Variants in CENPK observed in about 807,000 individuals in gnomAD.
CENPK encodes centromere protein K.
A neutral mutation model predicts 40.9 loss-of-function variants in CENPK; 46 were observed. The observed-to-expected ratio is 1.13, with a 90% CI of 0.89 to 1.44. The LOEUF (loss-of-function observed/expected upper bound fraction) is 1.44. CENPK is among the 40% of genes most tolerant of loss of function. CENPK has a pLI of 0.00. For synonymous variants in CENPK, 107 were observed against 104.4 expected, an observed-to-expected ratio of 1.02 and a Z score of -0.15; for missense variants, 288 against 303.5, an observed-to-expected ratio of 0.95 and a Z score of 0.38.
chr5:65,542,872 G>T (rs1452284240), intron 5 of CENPK, 24 bp from the exon 6 acceptor site: 3 of 1,586,446 alleles, frequency 1.9e-6, no homozygotes, highest in Non-Finnish European at 8.6e-7. Flanking sequence ...ACAAAACAAA[G>T]TTACACATAT....
At chr5:65,505,094 A>T in the CENPK span, among the ~76,000 whole-genome samples, 4 of 150,414 alleles carry the variant, frequency 2.7e-5, no homozygotes, top group African/African-American at 9.8e-5. Context: ...TATTCAGCTA[A>T]TTTTTTTTTT....
At chr5:65,524,579 G>C (rs1263461487) in intron 9 of CENPK, 1 of 152,984 alleles carries the variant, frequency 6.5e-6, no homozygotes, top group Non-Finnish European at 1.5e-5. Flanking sequence ...TACTCAGGAG[G>C]CTGAGGCAGG....
chr5:65,521,482 A>G lies in CENPK; in HGVS notation c.644T>C (p.Met215Thr). ...SSVNLITLHE[M>T]LEILINRLFD... ...ACTACACAAAACACTTACCTCTAAC[A>G]TTTCATGCAGTGTTATCAGGTTTAC... Residue 215 changes from methionine to threonine, a missense_variant, in exon 10 of 11, where the codon ATG (methionine) becomes ACG (threonine). By Grantham distance (81) the Met-to-Thr change is moderately conservative. Coordinates refer to ENST00000396679, the MANE Select transcript of CENPK (RefSeq NM_022145.5). The G allele has an allele frequency of 1.2e-6, 2 of 1,609,630 alleles. No homozygotes were observed. The highest frequency in any genetic ancestry group is 1.7e-6 in the Non-Finnish European group (2 of 1,177,056).
intron 2 of CENPK, among the ~76,000 whole-genome samples, chr5:65,555,636 T>A (rs1466092449): frequency 6.6e-6 from 1 of 152,208 alleles, no homozygotes; most frequent in Non-Finnish European, 1.5e-5. Context: ...AAGCAAGATG[T>A]AGACCAGGAT....
At chr5:65,499,535 G>A in the CENPK span, among the ~76,000 whole-genome samples, 2 of 151,308 alleles carry the variant, frequency 1.3e-5, no homozygotes, top group African/African-American at 2.4e-5. Flanking sequence ...GGTTCTCTCA[G>A]CTTCTTGAAT....
chr5:65,507,378 T>C, the CENPK span, among the ~76,000 whole-genome samples: 2 of 152,310 alleles, frequency 1.3e-5, no homozygotes, highest in East Asian at 3.9e-4. Flanking sequence ...AATGCACAGC[T>C]ATATAGAGAA....
chr5:65,521,602 T>G (rs901352894), intron 9 of CENPK, 74 bp from the exon 10 acceptor site: 1 of 1,011,000 alleles, frequency 9.9e-7, no homozygotes, highest in Non-Finnish European at 1.5e-6. Context: ...ACTGTTTTTA[T>G]AAGACTTTTA....
chr5:65,515,401 C>T (rs529003438), downstream of CENPK, among the ~76,000 whole-genome samples: 70 of 152,074 alleles, frequency 4.6e-4, no homozygotes, highest in East Asian at 0.011. Flanking sequence ...CGGGGTTTCA[C>T]CACGTTAGCC....
intron 6 of CENPK, among the ~76,000 whole-genome samples, chr5:65,535,039 A>C (rs1746617956): frequency 6.6e-6 from 1 of 152,182 alleles, no homozygotes; most frequent in African/African-American, 2.4e-5. Context: ...CAACATTGCA[A>C]ATCCCATCTC....
chr5:65,533,774 G>C (rs1247058238), intron 6 of CENPK, among the ~76,000 whole-genome samples: 2 of 152,118 alleles, frequency 1.3e-5, no homozygotes, highest in African/African-American at 4.8e-5. Flanking sequence ...CGGGTGCAGT[G>C]CCTCAAGCCT....
At chr5:65,514,597 C>T (rs886780588), downstream of CENPK, among the ~76,000 whole-genome samples, 2 of 152,122 alleles carry the variant, frequency 1.3e-5, no homozygotes, top group African/African-American at 4.8e-5. Context: ...TCCTCTGCTT[C>T]TATTTTCTAG....
chr5:65,515,204 A>AATTTTTTTTTTTT (rs35708852), downstream of CENPK, among the ~76,000 whole-genome samples: 1,319 of 123,784 alleles, frequency 0.011, 65 homozygotes, highest in African/African-American at 0.015. Flanking sequence ...TCTCAAAAAA[A>AATTTTTTTTTTTT]TTTTTTTTTT....
intron 5 of CENPK, among the ~76,000 whole-genome samples, chr5:65,547,311 T>C (rs2150486444): frequency 6.6e-6 from 1 of 150,502 alleles, no homozygotes; most frequent in East Asian, 2.0e-4. Flanking sequence ...AAGAACTGCT[T>C]GAACCTGGAA....
chr5:65,496,394 A>C, the CENPK span, among the ~76,000 whole-genome samples: 1 of 152,206 alleles, frequency 6.6e-6, no homozygotes, highest in South Asian at 2.1e-4. Context: ...ATAATAGAAA[A>C]ATTGTTAAAA....
At chr5:65,502,828 G>T in the CENPK span, among the ~76,000 whole-genome samples, 1 of 151,332 alleles carries the variant, frequency 6.6e-6, no homozygotes, top group Non-Finnish European at 1.5e-5. Context: ...TATTTTTTGA[G>T]ACAGTCTTGC....
At chr5:65,496,987 C>T in the CENPK span, among the ~76,000 whole-genome samples, 2 of 151,840 alleles carry the variant, frequency 1.3e-5, no homozygotes, top group African/African-American at 2.4e-5. Context: ...ACCCATGAGG[C>T]GGAGCATTGC....
chr5:65,504,332 T>A, the CENPK span, among the ~76,000 whole-genome samples: 1 of 151,570 alleles, frequency 6.6e-6, no homozygotes, highest in African/African-American at 2.4e-5. Flanking sequence ...GGCACATGCC[T>A]GTAATCCCAG....
At chr5:65,531,921 AAAG>A (rs1183974669) in intron 6 of CENPK, among the ~76,000 whole-genome samples, 1 of 152,224 alleles carries the variant, frequency 6.6e-6, no homozygotes, top group East Asian at 1.9e-4. Flanking sequence ...TAATAACAAC[AAAG>A]AAGTTAAATC....
downstream of CENPK, among the ~76,000 whole-genome samples, chr5:65,514,266 T>TTTTTTTTTTTTTTTTTTTTA (rs1561603111): frequency 1.3e-5 from 1 of 77,148 alleles, no homozygotes; most frequent in Non-Finnish European, 2.6e-5. Flanking sequence ...TTTTTTAGTT[T>TTTTTTTTTTTTTTTTTTTTA]TTTTTAGTTT....
Sources: allele counts gnomAD v4.1 joint callset (sites outside exome capture counted in the v4.1 genomes callset), GRCh38; gene constraint gnomAD v4.1.1; transcripts MANE v1.5; gene names NCBI Gene and HGNC (gene_info 2026-07-23, HGNC 2026-07-21).